DCTN6: variants seen among roughly 807,000 people sequenced by gnomAD.
The protein encoded by DCTN6 is dynactin subunit 6.
Under a neutral mutation model 25.8 loss-of-function variants are expected in DCTN6, and 15 were observed. The observed-to-expected ratio is 0.58, with a 90% CI of 0.39 to 0.89. DCTN6 has a LOEUF of 0.89. DCTN6 is among the 40% of genes least tolerant of loss of function. The pLI is 0.00. For missense variants in DCTN6, 198 were observed against 237.6 expected, an observed-to-expected ratio of 0.83 and a Z score of 1.09; for synonymous variants, 64 against 78.3, an observed-to-expected ratio of 0.82 and a Z score of 0.96.
chr8:30,174,829 A>G (rs1156801244), intron 2 of DCTN6, among the ~76,000 whole-genome samples: 3 of 152,192 alleles, frequency 2.0e-5, no homozygotes, highest in African/African-American at 7.2e-5. Context: ...GATCACAGGA[A>G]GCTTCCGAGT....
chr8:30,166,939 AAGAG>A (rs931837432), intron 2 of DCTN6, among the ~76,000 whole-genome samples: 12 of 151,584 alleles, frequency 7.9e-5, no homozygotes, highest in Admixed American at 6.6e-4. Context: ...GAAAGACAAA[AAGAG>A]AGAGAGAGGA....
At chr8:30,161,812 G>C (rs561627962) in intron 1 of DCTN6, among the ~76,000 whole-genome samples, 4 of 148,188 alleles carry the variant, frequency 2.7e-5, no homozygotes, top group South Asian at 2.1e-4. Flanking sequence ...CAGTGGCGTA[G>C]TCTTGGTTCA....
chr8:30,156,373 G>A lies in DCTN6; in HGVS notation c.-11G>A. 6.3e-7 allele frequency: 1 copy of A among 1,597,546 alleles called. No individual in the cohort carries two copies. The highest frequency in any genetic ancestry group is 1.1e-5 in the South Asian group (1 of 89,134). On this transcript the variant is annotated 5_prime_UTR_variant, in exon 1 of 7. Coordinates refer to ENST00000221114, the MANE Select transcript of DCTN6 (RefSeq NM_006571.4). The stretch of plus-strand genomic sequence containing the variant: ...GGTGGTGTCGATCTACGTTCCAATT[G>A]GGGCCGTACCATGGCGGAGAAGACT...
chr8:30,161,077 C>T (rs921339017), intron 1 of DCTN6, among the ~76,000 whole-genome samples: 3 of 152,130 alleles, frequency 2.0e-5, no homozygotes, highest in African/African-American at 7.2e-5. Flanking sequence ...GGGAGGGACC[C>T]GTAATCCAAG....
chr8:30,158,845 A>G (rs1022146086), intron 1 of DCTN6, among the ~76,000 whole-genome samples: 7 of 141,768 alleles, frequency 4.9e-5, no homozygotes, highest in African/African-American at 1.6e-4. Flanking sequence ...GCAGTGGCAC[A>G]ATCTCTGCTC....
At chr8:30,158,250 A>G (rs1486668370) in intron 1 of DCTN6, among the ~76,000 whole-genome samples, 1 of 152,206 alleles carries the variant, frequency 6.6e-6, no homozygotes, top group African/African-American at 2.4e-5. Flanking sequence ...CTCTTTTCAT[A>G]ATGAGAAGGA....
chr8:30,177,850 G>A (rs1401029545), intron 4 of DCTN6, among the ~76,000 whole-genome samples: 11 of 152,178 alleles, frequency 7.2e-5, no homozygotes, highest in Admixed American at 2.0e-4. Flanking sequence ...TAAGTATGCC[G>A]TTTTTAGACA....
At chr8:30,183,030 G>A in intron 6 of DCTN6, 45 bp from the exon 7 acceptor site, 1 of 1,566,480 alleles carries the variant, frequency 6.4e-7, no homozygotes, top group African/African-American at 1.4e-5. Flanking sequence ...TGGTACTCTT[G>A]ACTTTGCTTT....
intron 1 of DCTN6, among the ~76,000 whole-genome samples, chr8:30,158,248 A>G (rs927505865): frequency 2.6e-5 from 4 of 152,232 alleles, no homozygotes; most frequent in South Asian, 2.1e-4. Context: ...TGCTCTTTTC[A>G]TAATGAGAAG....
At chr8:30,166,194 G>T (rs903619738) in intron 2 of DCTN6, among the ~76,000 whole-genome samples, 3 of 151,768 alleles carry the variant, frequency 2.0e-5, no homozygotes, top group Admixed American at 6.6e-5. Flanking sequence ...AGACTGAAGT[G>T]ATGTAATTAA....
chr8:30,159,579 A>G (rs369546764), intron 1 of DCTN6, among the ~76,000 whole-genome samples: 67 of 152,220 alleles, frequency 4.4e-4, no homozygotes, highest in Middle Eastern at 3.4e-3. Context: ...CTTATTGGAT[A>G]TATCTGGTGA....
chr8:30,171,721 G>C (rs1005650775), intron 2 of DCTN6, among the ~76,000 whole-genome samples: 1 of 152,210 alleles, frequency 6.6e-6, no homozygotes, highest in Non-Finnish European at 1.5e-5. Context: ...TCCCAGACCA[G>C]AATTAGTTAT....
At chr8:30,171,521 G>C (rs538232586) in intron 2 of DCTN6, among the ~76,000 whole-genome samples, 11 of 152,136 alleles carry the variant, frequency 7.2e-5, no homozygotes, top group Non-Finnish European at 1.6e-4. Context: ...GTCTCCTGAA[G>C]TGCTGAGATT....
At chr8:30,173,755 C>A (rs1367275764) in intron 2 of DCTN6, among the ~76,000 whole-genome samples, 10 of 135,580 alleles carry the variant, frequency 7.4e-5, no homozygotes, top group East Asian at 2.4e-4. Context: ...AAAAAAAAAA[C>A]CAGTTTACAC....
At chr8:30,161,185 C>T (rs546719159) in intron 1 of DCTN6, among the ~76,000 whole-genome samples, 5 of 152,270 alleles carry the variant, frequency 3.3e-5, no homozygotes, top group Non-Finnish European at 2.9e-5. Context: ...TCTCTCTGTC[C>T]TGCTGCCTTG....
intron 1 of DCTN6, among the ~76,000 whole-genome samples, chr8:30,158,729 G>C (rs1364583695): frequency 8.3e-6 from 1 of 120,532 alleles, no homozygotes; most frequent in Non-Finnish European, 1.7e-5. Flanking sequence ...TTGTGAGACA[G>C]AGTCGCTCAG....
At chr8:30,171,012 ATTTG>A (rs1347757926) in intron 2 of DCTN6, among the ~76,000 whole-genome samples, 2 of 152,040 alleles carry the variant, frequency 1.3e-5, no homozygotes, top group Admixed American at 6.6e-5. Flanking sequence ...AAGTGTGCTT[ATTTG>A]TTTGAGTTCT....
At chr8:30,176,026 A>C (rs1180972143) in intron 3 of DCTN6, among the ~76,000 whole-genome samples, 1 of 152,228 alleles carries the variant, frequency 6.6e-6, no homozygotes, top group African/African-American at 2.4e-5. Flanking sequence ...TTAGAACACA[A>C]ACATTTTATC....
At chr8:30,157,197 AT>A (rs1803537838) in intron 1 of DCTN6, among the ~76,000 whole-genome samples, 1 of 152,102 alleles carries the variant, frequency 6.6e-6, no homozygotes, top group Non-Finnish European at 1.5e-5. Flanking sequence ...TGTGCATTTG[AT>A]TTTATTTCTG....
Sources: gnomAD v4.1 joint callset for allele counts (sites outside exome capture counted in the v4.1 genomes callset) on GRCh38, gnomAD v4.1.1 for gene constraint, MANE v1.5 for transcripts, NCBI Gene and HGNC (gene_info 2026-07-23, HGNC 2026-07-21) for gene names.